ST3GAL4: variants seen among roughly 807,000 people sequenced by gnomAD.
The protein encoded by ST3GAL4 is CMP-N-acetylneuraminate-beta-galactosamide-alpha-2,3-sialyltransferase 4.
In ST3GAL4, 24 loss-of-function variants were observed where a neutral mutation model predicts 42.6. The ratio of observed to expected loss-of-function variants is 0.56; its 90% CI spans 0.41 to 0.79. The LOEUF is 0.79. ST3GAL4 is among the 30% of genes least tolerant of loss of function. The pLI, the probability that ST3GAL4 is intolerant of heterozygous loss-of-function variation, is 0.00. For synonymous variants in ST3GAL4, 135 were observed against 163.2 expected, an observed-to-expected ratio of 0.83 and a Z score of 1.32; for missense variants, 311 against 430.8, an observed-to-expected ratio of 0.72 and a Z score of 2.46.
rs537714580 is a variant in ST3GAL4, at chr11:126,383,349, T to G, written c.-60-22747T>G. Among the ~76,000 whole-genome samples the G allele has an allele frequency of 5.2e-4, 79 of 152,268 alleles. 1 individual carries two copies. The highest frequency in any genetic ancestry group is 4.9e-3 in the Admixed American group (75 of 15,304). On this transcript the variant is annotated intron_variant, in intron 1 of 10. Coordinates refer to ENST00000444328, the MANE Select transcript of ST3GAL4 (RefSeq NM_001254757.2). This position sits in a 1 kb window ranked among gnomAD's most constrained non-coding sequence, Gnocchi z 4.5. The stretch of plus-strand genomic sequence containing the variant: ...GGCTCTGGGCTGCCTGGTGACAGCT[T>G]CGGGGACCTGCAAGCTGACAGAGTC...
rs1392515692 is a variant in ST3GAL4 at position 126,384,232 on chromosome 11, T to C, written c.-60-21864T>C. ...CAGTGCCCAGCAGTTGTTCTGGTGA[T>C]GGGAGGTGGGAGTACAAGGTCTGCC... On this transcript the variant is annotated intron_variant, in intron 1 of 10. Transcript: ENST00000444328. This position sits in a 1 kb window ranked among gnomAD's most constrained non-coding sequence, Gnocchi z 5.5. Among the ~76,000 whole-genome samples the C allele has an allele frequency of 1.3e-5, 2 of 152,134 alleles. No individual in the cohort carries two copies. The highest frequency in any genetic ancestry group is 1.9e-4 in the East Asian group (1 of 5,188).
chr11:126,396,571 C>T lies in ST3GAL4; in HGVS notation c.-60-9525C>T, dbSNP rs12289389. 0.011 allele frequency among the ~76,000 whole-genome samples: 1,705 copies of T among 150,396 alleles called. 27 individuals carry two copies. The highest frequency in any genetic ancestry group is 0.028 in the African/African-American group (1,135 of 39,842). The stretch of plus-strand genomic sequence containing the variant: ...GCGGAAGCGTGGCTGAGAAGGGGCT[C>T]GACAGGCTCTTCGTCACTGTGCGGA... On this transcript the variant is annotated intron_variant, in intron 1 of 10. Transcript: ENST00000444328. The surrounding 1 kb of genome is among the most constrained non-coding windows in gnomAD (Gnocchi z 5.8).
At chr11:126,412,323 G>A (rs924657391) in intron 9 of ST3GAL4, among the ~76,000 whole-genome samples, 8 of 152,164 alleles carry the variant, frequency 5.3e-5, no homozygotes, top group Admixed American at 3.9e-4. Context: ...AGAGCTCAGA[G>A]AGGGAGAAAG....
chr11:126,402,506 G>A (rs188420247), intron 1 of ST3GAL4, among the ~76,000 whole-genome samples: 2 of 151,762 alleles, frequency 1.3e-5, no homozygotes, highest in African/African-American at 2.4e-5. Context: ...AAGAGTAAGT[G>A]GTCGCTTGTG....
rs1357970351 is a variant in ST3GAL4, at chr11:126,406,035, C to G, written c.-60-61C>G. ...GGGCAGACAGTGGGTGTGTCCTGCTCCAGTGTCTAGGCAGGAGAGTTTGTG... is the reference window on the plus strand; with the variant it reads ...GGGCAGACAGTGGGTGTGTCCTGCTGCAGTGTCTAGGCAGGAGAGTTTGTG... On this transcript the variant is annotated intron_variant, in intron 1 of 10. Coordinates refer to ENST00000444328, the MANE Select transcript of ST3GAL4 (RefSeq NM_001254757.2). The surrounding 1 kb of genome is among the most constrained non-coding windows in gnomAD (Gnocchi z 5.4). 1.3e-6 allele frequency: 2 copies of G among 1,535,138 alleles called. No homozygotes were observed. The highest frequency in any genetic ancestry group is 1.8e-6 in the Non-Finnish European group (2 of 1,133,388).
rs1591449290 is a variant in ST3GAL4 at position 126,384,577 on chromosome 11, G to T, written c.-60-21519G>T. 6.6e-6 allele frequency among the ~76,000 whole-genome samples: 1 copy of T among 152,138 alleles called. No individual in the cohort carries two copies. The highest frequency in any genetic ancestry group is 2.1e-4 in the South Asian group (1 of 4,824). On this transcript the variant is annotated intron_variant, in intron 1 of 10. Transcript: ENST00000444328. This position sits in a 1 kb window ranked among gnomAD's most constrained non-coding sequence, Gnocchi z 5.5. ...TCTGGTCAGGCTGAGGGATCCGTGTGCCAGCCCTTCTGGGAAGGCTGAATG... is the reference window on the plus strand; with the variant it reads ...TCTGGTCAGGCTGAGGGATCCGTGTTCCAGCCCTTCTGGGAAGGCTGAATG...
intron 1 of ST3GAL4, among the ~76,000 whole-genome samples, chr11:126,365,982 G>T (rs1393843508): frequency 1.3e-5 from 2 of 152,214 alleles, no homozygotes; most frequent in African/African-American, 4.8e-5. Context: ...TCATAGGCGT[G>T]GCTGGGTCTC....
Position 126,383,178 on chromosome 11 carries a change from G to A in ST3GAL4, c.-60-22918G>A, listed in dbSNP as rs905805238. The stretch of plus-strand genomic sequence containing the variant: ...GGACACACCTGTGGGGCTCATAGGC[G>A]TGGCTGGGTCTCCTCTCAGGTGCCA... On this transcript the variant is annotated intron_variant, in intron 1 of 10. Coordinates refer to ENST00000444328, the MANE Select transcript of ST3GAL4 (RefSeq NM_001254757.2). The surrounding 1 kb of genome is among the most constrained non-coding windows in gnomAD (Gnocchi z 4.5). Among the ~76,000 whole-genome samples the A allele has an allele frequency of 2.6e-5, 4 of 152,212 alleles. No homozygotes were observed. Among genetic ancestry groups the A allele is most frequent in the Admixed American group, 1.3e-4 (2 of 15,284 alleles).
chr11:126,387,842 A>G (rs777627253), intron 1 of ST3GAL4, among the ~76,000 whole-genome samples: 18 of 152,190 alleles, frequency 1.2e-4, no homozygotes, highest in Non-Finnish European at 2.5e-4. Context: ...CTGGGTATGC[A>G]TGTAACTGTT....
rs1953155443 is a variant in ST3GAL4 at position 126,384,808 on chromosome 11, T to G, written c.-60-21288T>G. 1 of 985,282 alleles carries G rather than the reference T, an allele frequency of 1.0e-6. No homozygotes were observed. Among genetic ancestry groups the G allele is most frequent in the African/African-American group, 1.7e-5 (1 of 57,230 alleles). 61.0% of individuals were successfully genotyped at this position (985,282 alleles called of 1,614,324 possible). A position where few individuals can be genotyped will look rare whatever the true frequency, so the allele number is the denominator to read the frequency against. On this transcript the variant is annotated intron_variant, in intron 1 of 10. Transcript: ENST00000444328. The surrounding 1 kb of genome is among the most constrained non-coding windows in gnomAD (Gnocchi z 5.5). Reference sequence around the variant, plus strand: ...GTGGCAGTGCCTCTGCCTGTCTCCCTGGCCGTGGCAGGTCCTTTGTCACAT... The same window carrying G: ...GTGGCAGTGCCTCTGCCTGTCTCCCGGGCCGTGGCAGGTCCTTTGTCACAT...
Position 126,414,112 on chromosome 11 carries a change from T to C in ST3GAL4, c.*65T>C. The C allele has an allele frequency of 6.6e-7, 1 of 1,516,900 alleles. No individual in the cohort carries two copies. The highest frequency in any genetic ancestry group is 9.2e-7 in the Non-Finnish European group (1 of 1,091,566). The allele number at this position is 1,516,900 out of a possible 1,614,324, so 94.0% of individuals were successfully genotyped here. On this transcript the variant is annotated 3_prime_UTR_variant, in exon 11 of 11. Transcript: ENST00000444328. ...TGTCTGGGTGACCCCCATGCGTGGC[T>C]GTGGGGGTGGCTGGTGCCAGTATGA...
At position 126,391,068 on chromosome 11, in the gene ST3GAL4, G is replaced by C. The variant is rs1286020954; in HGVS notation, c.-60-15028G>C. Among the ~76,000 whole-genome samples the C allele has an allele frequency of 6.6e-6, 1 of 152,078 alleles. No homozygotes were observed. Among genetic ancestry groups the C allele is most frequent in the African/African-American group, 2.4e-5 (1 of 41,404 alleles). Reference sequence around the variant, plus strand: ...CCATTGTATGCGTAGACCACATTTTGTGGATCCGTTCATCCACTGATGGAC... The same window carrying C: ...CCATTGTATGCGTAGACCACATTTTCTGGATCCGTTCATCCACTGATGGAC... On this transcript the variant is annotated intron_variant, in intron 1 of 10. Transcript: ENST00000444328. This position sits in a 1 kb window ranked among gnomAD's most constrained non-coding sequence, Gnocchi z 5.5.
Position 126,413,547 on chromosome 11 carries a change from C to T in ST3GAL4, c.814C>T (p.Leu272Phe), listed in dbSNP as rs762637967. Residue 272 changes from leucine (L) to phenylalanine (F), a missense_variant, in exon 10 of 11, where the codon CTC becomes TTC. By Grantham distance (22) the Leu-to-Phe change is conservative. Transcript: ENST00000444328. ...GTTGGCCATCACGCTGGCCCTCCAC[C>T]TCTGTGACTTGGTGCACATTGCCGG... ...GLLAITLALH[L>F]CDLVHIAGFG... is the part of the protein sequence containing the mutation. 1 of 1,614,276 alleles carries T rather than the reference C, an allele frequency of 6.2e-7. No homozygotes were observed. Among genetic ancestry groups the T allele is most frequent in the South Asian group, 1.1e-5 (1 of 91,090 alleles).
chr11:126,366,829 G>A lies in ST3GAL4; in HGVS notation c.-61+10987G>A, dbSNP rs917788310. 1.6e-4 allele frequency among the ~76,000 whole-genome samples: 24 copies of A among 152,332 alleles called. No individual in the cohort carries two copies. Among genetic ancestry groups the A allele is most frequent in the Non-Finnish European group, 2.8e-4 (19 of 68,016 alleles). ...TTCCTTCCGGGAGGAGGCAGGGTGA[G>A]CGCAGAAACCACTGCTCCAAAACTC... is the stretch of plus-strand genomic sequence containing the variant. On this transcript the variant is annotated intron_variant, in intron 1 of 10. Transcript: ENST00000444328. This position sits in a 1 kb window ranked among gnomAD's most constrained non-coding sequence, Gnocchi z 4.2.
chr11:126,369,206 C>T (rs1591424320), intron 1 of ST3GAL4, among the ~76,000 whole-genome samples: 1 of 152,128 alleles, frequency 6.6e-6, no homozygotes, highest in Non-Finnish European at 1.5e-5. Context: ...TTTGCTCAAG[C>T]AACCTCCCTT....
chr11:126,408,551 G>A, intron 8 of ST3GAL4, 55 bp downstream of exon 8: 1 of 1,592,344 alleles, frequency 6.3e-7, no homozygotes. Context: ...CGCTGCCCGA[G>A]TCAGGACCTC....
At chr11:126,390,017 C>CAAAAAAAAAAAAAAA (rs57306343) in intron 1 of ST3GAL4, among the ~76,000 whole-genome samples, 1 of 114,596 alleles carries the variant, frequency 8.7e-6, no homozygotes, top group African/African-American at 3.4e-5. Flanking sequence ...GCTAAAAATA[C>CAAAAAAAAAAAAAAA]AAAAAAAAAA....
rs1440434553 is a variant in ST3GAL4 at position 126,393,026 on chromosome 11, G to A, written c.-60-13070G>A. ...GACGATCATAGCTTACTGCAGCCTCGATCTCCTGGACTCAGGGGGTCCTCC... is the reference window on the plus strand; with the variant it reads ...GACGATCATAGCTTACTGCAGCCTCAATCTCCTGGACTCAGGGGGTCCTCC... On this transcript the variant is annotated intron_variant, in intron 1 of 10. Coordinates refer to ENST00000444328, the MANE Select transcript of ST3GAL4 (RefSeq NM_001254757.2). The surrounding 1 kb of genome is among the most constrained non-coding windows in gnomAD (Gnocchi z 5.9). Among the ~76,000 whole-genome samples, 2 of 147,880 alleles carry A rather than the reference G, an allele frequency of 1.4e-5. No homozygotes were observed. The highest frequency in any genetic ancestry group is 6.8e-5 in the Admixed American group (1 of 14,652).
At chr11:126,388,966 C>CGTG (rs1953359709) in intron 1 of ST3GAL4, among the ~76,000 whole-genome samples, 1 of 150,450 alleles carries the variant, frequency 6.6e-6, no homozygotes, top group Non-Finnish European at 1.5e-5. Context: ...TTAGTAGAGA[C>CGTG]GGGGTTTCAC....
Sources: allele counts gnomAD v4.1 joint callset (sites outside exome capture counted in the v4.1 genomes callset), GRCh38; gene constraint gnomAD v4.1.1; non-coding constraint Gnocchi (gnomAD v3.1); transcripts MANE v1.5; gene names NCBI Gene and HGNC (gene_info 2026-07-23, HGNC 2026-07-21).